Variants in COL5A2 observed in about 807,000 individuals in gnomAD.
COL5A2 encodes the protein collagen type V alpha 2 chain.
COL5A2 carries 23 observed loss-of-function variants against 208.2 expected under a neutral mutation model. The ratio of observed to expected loss-of-function variants is 0.11; its 90% CI spans 0.08 to 0.16. COL5A2 has a LOEUF of 0.16. Ranked by LOEUF, COL5A2 falls within the 10% of genes least tolerant of loss-of-function variation. The pLI, the probability that COL5A2 is intolerant of heterozygous loss-of-function variation, is 1.00. For synonymous variants in COL5A2, 625 were observed against 628.5 expected (o/e 0.99, Z 0.08); for missense variants, 1,590 against 1,956.4 (o/e 0.81, Z 3.53).
At chr2:189,269,626 G>A in the COL5A2 span, among the ~76,000 whole-genome samples, 13 of 152,226 alleles carry the variant, frequency 8.5e-5, no homozygotes, top group South Asian at 1.9e-3. Flanking sequence ...ATGTGTTGAT[G>A]GATTTGGTTT....
At chr2:189,245,325 G>A in the COL5A2 span, among the ~76,000 whole-genome samples, 1 of 152,024 alleles carries the variant, frequency 6.6e-6, no homozygotes, top group East Asian at 1.9e-4. Flanking sequence ...CCCACTCCAG[G>A]CACAGAAACT....
intron 1 of COL5A2, 25 bp from the exon 2 acceptor site, chr2:189,110,474 G>T (rs1265230888): frequency 6.3e-7 from 1 of 1,588,644 alleles, no homozygotes; most frequent in African/African-American, 1.3e-5. Flanking sequence ...GAAAGAAGAG[G>T]TTAGTAATCT....
At chr2:189,324,868 A>G in the COL5A2 span, among the ~76,000 whole-genome samples, 12 of 152,308 alleles carry the variant, frequency 7.9e-5, no homozygotes, top group Non-Finnish European at 1.3e-4. Context: ...ACAAGCACAC[A>G]TATGTCTATT....
chr2:189,364,877 A>T, the COL5A2 span, among the ~76,000 whole-genome samples: 2 of 152,150 alleles, frequency 1.3e-5, no homozygotes, highest in South Asian at 4.1e-4. Flanking sequence ...TAAACTATGA[A>T]CCTTAGTTAA....
At chr2:189,116,964 A>T (rs1238202770) in intron 1 of COL5A2, among the ~76,000 whole-genome samples, 4 of 152,204 alleles carry the variant, frequency 2.6e-5, no homozygotes, top group Non-Finnish European at 5.9e-5. Flanking sequence ...AATTTGATAA[A>T]CTGTCTGTGA....
At chr2:189,401,131 T>C in the COL5A2 span, among the ~76,000 whole-genome samples, 5 of 152,120 alleles carry the variant, frequency 3.3e-5, no homozygotes, top group South Asian at 2.1e-4. Flanking sequence ...CCATGGTGGT[T>C]TGCTACACAG....
intron 1 of COL5A2, among the ~76,000 whole-genome samples, chr2:189,150,471 T>C (rs970347496): frequency 5.9e-5 from 9 of 152,208 alleles, no homozygotes; most frequent in African/African-American, 2.2e-4. Flanking sequence ...TTGGACATGC[T>C]AATTTTTTAT....
At chr2:189,047,179 C>T (rs1300386873) in intron 45 of COL5A2, among the ~76,000 whole-genome samples, 1 of 151,944 alleles carries the variant, frequency 6.6e-6, no homozygotes. Flanking sequence ...CAGGAATCAC[C>T]TCCTTTGCAA....
chr2:189,318,602 A>G, the COL5A2 span, among the ~76,000 whole-genome samples: 3 of 152,232 alleles, frequency 2.0e-5, no homozygotes, highest in Non-Finnish European at 4.4e-5. Flanking sequence ...CCTCCAATTA[A>G]TAGTACCTGA....
chr2:189,400,668 G>C, the COL5A2 span, among the ~76,000 whole-genome samples: 3 of 151,956 alleles, frequency 2.0e-5, 1 homozygote, highest in African/African-American at 7.3e-5. Context: ...AGAAACTTTG[G>C]TGATCCCAAA....
chr2:189,079,207 C>T, intron 14 of COL5A2, 100 bp from the exon 15 acceptor site: 1 of 928,758 alleles, frequency 1.1e-6, no homozygotes, highest in South Asian at 1.4e-5. Context: ...TCAAAGAGGA[C>T]ATATGAAAGA....
chr2:189,105,698 G>A (rs1687135695), intron 2 of COL5A2, among the ~76,000 whole-genome samples: 1 of 151,098 alleles, frequency 6.6e-6, no homozygotes, highest in Non-Finnish European at 1.5e-5. Context: ...TGCCTTCTGG[G>A]CTTTGAGTCA....
At chr2:189,321,509 T>G in the COL5A2 span, among the ~76,000 whole-genome samples, 2 of 152,158 alleles carry the variant, frequency 1.3e-5, no homozygotes, top group Non-Finnish European at 1.5e-5. Flanking sequence ...TGGCAGGGGT[T>G]GCAATCCTAG....
chr2:189,305,009 A>G, the COL5A2 span, among the ~76,000 whole-genome samples: 32 of 152,350 alleles, frequency 2.1e-4, no homozygotes, highest in African/African-American at 7.7e-4. Context: ...AAGAAAACAA[A>G]TATATTTGAA....
chr2:189,068,138 G>GT, intron 20 of COL5A2, 25 bp from the exon 21 acceptor site: 4 of 1,605,804 alleles, frequency 2.5e-6, no homozygotes, highest in Non-Finnish European at 3.4e-6. Flanking sequence ...GAGTGATGTG[G>GT]TAAGTAGAGA....
rs780373083 is a variant in COL5A2 at position 189,085,110 on chromosome 2, C to A, written c.798+50G>T. 7.8e-6 allele frequency: 11 copies of A among 1,414,408 alleles called. No homozygotes were observed. The East Asian group carries it at 2.3e-4, about 29-fold the overall frequency. The allele number at this position is 1,414,408 out of a possible 1,614,324, so 87.6% of individuals were successfully genotyped here. ...CAGAACATTCTTGTTAACATTTTAA[C>A]CCCTTCGCCTCTTCAAAACCTGAAT... On this transcript the variant is annotated intron_variant, in intron 11 of 53. Transcript: ENST00000374866.
At chr2:189,334,335 G>A in the COL5A2 span, among the ~76,000 whole-genome samples, 1 of 151,848 alleles carries the variant, frequency 6.6e-6, no homozygotes, top group African/African-American at 2.4e-5. Flanking sequence ...TAACATTATG[G>A]TATATGAATA....
intron 1 of COL5A2, among the ~76,000 whole-genome samples, chr2:189,191,363 G>A (rs995875413): frequency 3.3e-5 from 5 of 152,042 alleles, no homozygotes; most frequent in African/African-American, 4.8e-5. Context: ...GCAATAGGCC[G>A]GGTACAGTGG....
chr2:189,141,157 T>C (rs1464011003), intron 1 of COL5A2, among the ~76,000 whole-genome samples: 1 of 152,164 alleles, frequency 6.6e-6, no homozygotes, highest in Non-Finnish European at 1.5e-5. Flanking sequence ...AGCTGAGGAT[T>C]CCCCATGGTC....
Sources: gnomAD v4.1 joint callset for allele counts (sites outside exome capture counted in the v4.1 genomes callset) on GRCh38, gnomAD v4.1.1 for gene constraint, MANE v1.5 for transcripts, NCBI Gene and HGNC (gene_info 2026-07-23, HGNC 2026-07-21) for gene names.